XPR1: variants seen among roughly 807,000 people sequenced by gnomAD.
XPR1 encodes the protein solute carrier family 53 member 1.
Under a neutral mutation model 87.5 loss-of-function variants are expected in XPR1, and 28 were observed. The observed-to-expected ratio is 0.32, with a 90% CI of 0.24 to 0.44. The LOEUF is 0.44. Ranked by LOEUF, XPR1 falls within the 20% of genes least tolerant of loss-of-function variation. The pLI, the probability that XPR1 is intolerant of heterozygous loss-of-function variation, is 1.00. For synonymous variants in XPR1, 300 were observed against 306.1 expected (o/e 0.98, Z 0.21); for missense variants, 559 against 862.3 (o/e 0.65, Z 4.41).
At chr1:180,755,479 A>G (rs1437679672) in intron 2 of XPR1, among the ~76,000 whole-genome samples, 1 of 152,206 alleles carries the variant, frequency 6.6e-6, no homozygotes, top group Non-Finnish European at 1.5e-5. Context: ...TCACACATCT[A>G]CCAGCTACTT....
chr1:180,666,538 C>T lies in XPR1; in HGVS notation c.70-15822C>T, dbSNP rs553742381. Among the ~76,000 whole-genome samples the T allele has an allele frequency of 5.3e-5, 8 of 152,128 alleles. No individual in the cohort carries two copies. The South Asian group carries it at 8.3e-4, about 16-fold the overall frequency. On this transcript the variant is annotated intron_variant, in intron 1 of 14. Coordinates refer to ENST00000367590, the MANE Select transcript of XPR1 (RefSeq NM_004736.4). ...TAATTACTAAGTATTTTATTCTTTT[C>T]GATGCTATTGTTAAATGGAATTGCT...
intron 2 of XPR1, among the ~76,000 whole-genome samples, chr1:180,767,945 C>T (rs940581563): frequency 3.3e-5 from 5 of 151,928 alleles, no homozygotes; most frequent in African/African-American, 7.3e-5. Flanking sequence ...CCCGGGTTCA[C>T]ACCGTTCTCC....
At chr1:180,768,242 G>A (rs763560655) in intron 2 of XPR1, among the ~76,000 whole-genome samples, 37 of 151,592 alleles carry the variant, frequency 2.4e-4, no homozygotes, top group Non-Finnish European at 2.1e-4. Flanking sequence ...TTTAGTTTGA[G>A]TGCTGTGTCA....
intron 11 of XPR1, among the ~76,000 whole-genome samples, chr1:180,844,333 A>T (rs1329712231): frequency 6.6e-6 from 1 of 152,250 alleles, no homozygotes; most frequent in Non-Finnish European, 1.5e-5. Context: ...ACTTTATATT[A>T]TACATAATTT....
At chr1:180,638,449 A>C (rs78534591) in intron 1 of XPR1, among the ~76,000 whole-genome samples, 5,188 of 152,232 alleles carry the variant, frequency 0.034, 134 homozygotes, top group African/African-American at 0.07. Flanking sequence ...AGAGAGTGTC[A>C]GACTTCACCA....
chr1:180,790,553 T>A (rs968826618), intron 3 of XPR1, among the ~76,000 whole-genome samples: 11 of 152,302 alleles, frequency 7.2e-5, no homozygotes, highest in Admixed American at 5.2e-4. Context: ...CATTTTCTTT[T>A]TTTTGAGACG....
In XPR1 at chr1:180,821,937, T is replaced by G. The variant is rs1443433325; in HGVS notation, c.764-2816T>G. Among the ~76,000 whole-genome samples the G allele has an allele frequency of 1.3e-5, 2 of 152,224 alleles. 1 individual carries two copies. Among genetic ancestry groups the G allele is most frequent in the South Asian group, 4.1e-4 (2 of 4,832 alleles). Reference sequence around the variant, plus strand: ...TCTAGTAGTTTTATTGTGGATTCTTTGGGATTTGTGTTATTTTTGTTTCCT... The same window carrying G: ...TCTAGTAGTTTTATTGTGGATTCTTGGGGATTTGTGTTATTTTTGTTTCCT... On this transcript the variant is annotated intron_variant, in intron 7 of 14. Transcript: ENST00000367590.
chr1:180,846,977 C>G (rs1288272478), intron 11 of XPR1, among the ~76,000 whole-genome samples: 4 of 152,080 alleles, frequency 2.6e-5, no homozygotes, highest in South Asian at 2.1e-4. Flanking sequence ...CCTCAGGCCT[C>G]TCTCTAAATA....
At chr1:180,839,097 C>T (rs1051994959) in intron 11 of XPR1, among the ~76,000 whole-genome samples, 21 of 152,206 alleles carry the variant, frequency 1.4e-4, no homozygotes, top group African/African-American at 4.8e-4. Context: ...ATAGGAGTTT[C>T]GTTGTTGCAG....
chr1:180,731,149 C>T (rs995335521), intron 2 of XPR1, among the ~76,000 whole-genome samples: 1 of 152,054 alleles, frequency 6.6e-6, no homozygotes, highest in East Asian at 1.9e-4. Context: ...TCGATCTGCA[C>T]CATTCAATAG....
chr1:180,694,394 G>A (rs1332478049), intron 2 of XPR1, among the ~76,000 whole-genome samples: 2 of 152,170 alleles, frequency 1.3e-5, no homozygotes, highest in South Asian at 4.1e-4. Flanking sequence ...GTCAAATGGT[G>A]TCAAAGAAAT....
chr1:180,711,506 C>G lies in XPR1; in HGVS notation c.121+29095C>G, dbSNP rs909755521. On this transcript the variant is annotated intron_variant, in intron 2 of 14. Transcript: ENST00000367590. The stretch of plus-strand genomic sequence containing the variant: ...GCGCGCGCCTGCAATTGCAGGCACT[C>G]GGCAGGCTGAGGCAGGAGAATGAGG... 4.6e-5 allele frequency among the ~76,000 whole-genome samples: 7 copies of G among 151,856 alleles called. No homozygotes were observed. The South Asian group carries it at 6.3e-4, about 14-fold the overall frequency.
At chr1:180,691,012 G>T (rs972945974) in intron 2 of XPR1, among the ~76,000 whole-genome samples, 1 of 151,886 alleles carries the variant, frequency 6.6e-6, no homozygotes, top group African/African-American at 2.4e-5. Context: ...CATATTATTA[G>T]TAGTTGTTGT....
chr1:180,877,903 T>TA (rs1340653446), intron 13 of XPR1: 1 of 148,046 alleles, frequency 6.8e-6, no homozygotes, highest in African/African-American at 2.5e-5. Flanking sequence ...TAAGACGATA[T>TA]AAAGATATTT....
At chr1:180,769,320 C>A (rs897455541) in intron 2 of XPR1, among the ~76,000 whole-genome samples, 1 of 151,468 alleles carries the variant, frequency 6.6e-6, no homozygotes, top group South Asian at 2.1e-4. Context: ...ACTATAGTTA[C>A]CATGTTTTGC....
At chr1:180,749,637 C>T (rs1647441534) in intron 2 of XPR1, among the ~76,000 whole-genome samples, 1 of 58,222 alleles carries the variant, frequency 1.7e-5, no homozygotes, top group Non-Finnish European at 3.5e-5. Flanking sequence ...AACACATATA[C>T]ATCACACACA....
chr1:180,678,372 G>A (rs116369659), intron 1 of XPR1, among the ~76,000 whole-genome samples: 39 of 152,224 alleles, frequency 2.6e-4, no homozygotes, highest in African/African-American at 9.4e-4. Flanking sequence ...GAAGCATCTA[G>A]GACCCTTTGT....
At chr1:180,766,932 T>A (rs974918959) in intron 2 of XPR1, among the ~76,000 whole-genome samples, 12 of 152,210 alleles carry the variant, frequency 7.9e-5, no homozygotes, top group Non-Finnish European at 1.5e-5. Flanking sequence ...ATTACATTTG[T>A]CCCATATATG....
In XPR1 at chr1:180,884,108, T is replaced by C; in HGVS notation, c.*42T>C. The C allele has an allele frequency of 6.3e-7, 1 of 1,595,242 alleles. No homozygotes were observed. Among genetic ancestry groups the C allele is most frequent in the Non-Finnish European group, 8.6e-7 (1 of 1,164,514 alleles). On this transcript the variant is annotated 3_prime_UTR_variant, in exon 15 of 15. Coordinates refer to ENST00000367590, the MANE Select transcript of XPR1 (RefSeq NM_004736.4). The stretch of plus-strand genomic sequence containing the variant: ...CTTAACATCTTTGGTTTTCCTACTC[T>C]ACAATCCTTTCCTCGACCAACGCAA...
Sources: allele counts gnomAD v4.1 joint callset (sites outside exome capture counted in the v4.1 genomes callset), GRCh38; gene constraint gnomAD v4.1.1; transcripts MANE v1.5; gene names NCBI Gene and HGNC (gene_info 2026-07-23, HGNC 2026-07-21).